DRC9: variants seen among roughly 807,000 people sequenced by gnomAD.
DRC9 encodes the protein dynein regulatory complex subunit 9.
the DRC9 span, chr3:197,894,389 A>G: frequency 6.6e-6 from 1 of 152,208 alleles, no homozygotes; most frequent in South Asian, 2.1e-4. Context: ...GAAGAGCGAG[A>G]GAAGAGGTAA....
the DRC9 span, chr3:197,959,967 C>G: frequency 3.7e-6 from 2 of 533,748 alleles, no homozygotes; most frequent in Non-Finnish European, 6.7e-6. Context: ...TGCCTCAAGA[C>G]ACCCACATAC....
At chr3:197,938,137 G>A in the DRC9 span, among the ~76,000 whole-genome samples, 29 of 152,068 alleles carry the variant, frequency 1.9e-4, 1 homozygote, top group South Asian at 5.4e-3. Flanking sequence ...CCAACATGGT[G>A]AAACCCGTTG....
the DRC9 span, chr3:197,906,804 GTGA>G: frequency 6.6e-6 from 1 of 152,266 alleles, no homozygotes; most frequent in East Asian, 1.9e-4. Flanking sequence ...CCCTGGGGCT[GTGA>G]ACTGACTCAG....
chr3:197,932,062 A>G, the DRC9 span: 1 of 1,170,302 alleles, frequency 8.5e-7, no homozygotes. Context: ...ACTTCTAGTT[A>G]TCTTCCCTGG....
At chr3:197,910,602 T>C in the DRC9 span, among the ~76,000 whole-genome samples, 3 of 152,232 alleles carry the variant, frequency 2.0e-5, no homozygotes, top group East Asian at 5.8e-4. Context: ...GACTGAAAAC[T>C]CATTAGCTTT....
At chr3:197,950,169 G>A in the DRC9 span, 21 of 1,231,644 alleles carry the variant, frequency 1.7e-5, no homozygotes, top group Non-Finnish European at 1.9e-5. Context: ...ATCCCACAAG[G>A]CCACGCGGCG....
the DRC9 span, among the ~76,000 whole-genome samples, chr3:197,933,264 A>G: frequency 1.5e-4 from 23 of 151,498 alleles, no homozygotes; most frequent in Admixed American, 1.5e-3. Flanking sequence ...AACATAGTGA[A>G]ACCTCGTCTC....
chr3:197,895,193 C>T, the DRC9 span, among the ~76,000 whole-genome samples: 1 of 152,158 alleles, frequency 6.6e-6, no homozygotes, highest in African/African-American at 2.4e-5. Flanking sequence ...AGGGAACAGG[C>T]TCCAGACAGG....
At chr3:197,893,929 G>C in the DRC9 span, among the ~76,000 whole-genome samples, 1 of 152,042 alleles carries the variant, frequency 6.6e-6, no homozygotes, top group Non-Finnish European at 1.5e-5. Context: ...CAAATGTAAA[G>C]GAAAGAAAGA....
the DRC9 span, among the ~76,000 whole-genome samples, chr3:197,939,478 A>G: frequency 8.5e-5 from 13 of 152,204 alleles, no homozygotes; most frequent in African/African-American, 2.9e-4. Context: ...CTATTAAGGG[A>G]CCGCAGGAAC....
chr3:197,956,909 C>T, the DRC9 span: 1 of 152,122 alleles, frequency 6.6e-6, no homozygotes, highest in Non-Finnish European at 1.5e-5. Flanking sequence ...CTGATCTCTA[C>T]AGCACAGGTA....
At chr3:197,945,659 A>G in the DRC9 span, 1 of 1,553,200 alleles carries the variant, frequency 6.4e-7, no homozygotes, top group South Asian at 1.2e-5. Flanking sequence ...TCCGTGGTAT[A>G]TTTATAATCT....
At chr3:197,917,522 A>G in the DRC9 span, among the ~76,000 whole-genome samples, 1 of 152,228 alleles carries the variant, frequency 6.6e-6, no homozygotes, top group South Asian at 2.1e-4. Context: ...TTCTCTTACA[A>G]GTTGTAGGAT....
the DRC9 span, chr3:197,944,123 C>T: frequency 7.5e-7 from 1 of 1,330,862 alleles, no homozygotes; most frequent in South Asian, 1.4e-5. Context: ...AAAGCACAGG[C>T]AGCAACGTGC....
At chr3:197,947,928 C>CTTT in the DRC9 span, among the ~76,000 whole-genome samples, 427 of 96,786 alleles carry the variant, frequency 4.4e-3, 1 homozygote, top group Non-Finnish European at 5.0e-3. Context: ...CCTGCTTTAC[C>CTTT]TTTTTTTTTT....
the DRC9 span, chr3:197,950,179 G>A: frequency 8.1e-7 from 1 of 1,231,698 alleles, no homozygotes; most frequent in Non-Finnish European, 1.0e-6. Context: ...GCCACGCGGC[G>A]GGGCCTCGTC....
chr3:197,946,178 G>A, the DRC9 span, among the ~76,000 whole-genome samples: 412 of 152,312 alleles, frequency 2.7e-3, 1 homozygote, highest in African/African-American at 9.2e-3. Context: ...GCTCACGCCT[G>A]TAATCCCAGC....
At chr3:197,904,083 C>T in the DRC9 span, among the ~76,000 whole-genome samples, 38 of 10,382 alleles carry the variant, frequency 3.7e-3, no homozygotes, top group Non-Finnish European at 0.012. Flanking sequence ...TATATATATA[C>T]ATACATATAT....
chr3:197,900,080 C>T, the DRC9 span, among the ~76,000 whole-genome samples: 1 of 152,192 alleles, frequency 6.6e-6, no homozygotes, highest in African/African-American at 2.4e-5. This position sits in a 1 kb window ranked among gnomAD's most constrained non-coding sequence, Gnocchi z 4.7. Context: ...CTGAGACCAG[C>T]CCCAGCCAGA....
Sources: allele counts gnomAD v4.1 joint callset (sites outside exome capture counted in the v4.1 genomes callset), GRCh38; gene constraint gnomAD v4.1.1; non-coding constraint Gnocchi (gnomAD v3.1); transcripts MANE v1.5; gene names NCBI Gene and HGNC (gene_info 2026-07-23, HGNC 2026-07-21).